SCNN1D: variants seen among roughly 807,000 people sequenced by gnomAD.
SCNN1D encodes the protein epithelial sodium channel subunit delta.
In SCNN1D, 104 loss-of-function variants were observed where a neutral mutation model predicts 87.8. The observed-to-expected ratio is 1.18, with a 90% CI of 1.01 to 1.39. The LOEUF (loss-of-function observed/expected upper bound fraction) is 1.39. Among genes scored for constraint, SCNN1D ranks in the 40% most tolerant of loss-of-function variants. The probability of loss-of-function intolerance (pLI) is 0.00; values close to 1 mark genes in which losing one functional copy is unlikely to be tolerated. For missense variants in SCNN1D, 1,324 were observed against 1,093.9 expected, an observed-to-expected ratio of 1.21 and a Z score of -2.97; for synonymous variants, 628 against 481.2, an observed-to-expected ratio of 1.31 and a Z score of -3.99.
rs992631576 is a variant in SCNN1D at position 1,280,627 on chromosome 1, C to T, written c.-35C>T. ...ATCAGACTCAAGGCCTGAGGTGATG[C>T]TGATGCTGTGCCTGAATTCCAGCAG... On this transcript the variant is annotated 5_prime_UTR_variant, in exon 1 of 18. Coordinates refer to ENST00000379116, the MANE Select transcript of SCNN1D (RefSeq NM_001130413.4). 5.7e-6 allele frequency: 4 copies of T among 699,854 alleles called. No individual in the cohort carries two copies. The South Asian group carries it at 5.9e-5, about 10-fold the overall frequency. 43.4% of individuals were successfully genotyped at this position (699,854 alleles called of 1,614,324 possible). A position where few individuals can be genotyped will look rare whatever the true frequency, so the allele number is the denominator to read the frequency against.
intron 12 of SCNN1D, among the ~76,000 whole-genome samples, chr1:1,289,498 T>C (rs1348809467): frequency 7.0e-4 from 6 of 8,562 alleles, no homozygotes; most frequent in East Asian, 3.7e-3. Context: ...GTCCCGTGTC[T>C]CTGCTCCGTC....
Position 1,284,076 on chromosome 1 carries a change from G to C in SCNN1D, c.450G>C (p.Gly150=), listed in dbSNP as rs199854533. 9.5e-4 allele frequency: 1,079 copies of C among 1,132,220 alleles called. 3 individuals carry two copies. Among genetic ancestry groups the C allele is most frequent in the Non-Finnish European group, 1.1e-3 (1,011 of 917,694 alleles). The allele number at this position is 1,132,220 out of a possible 1,614,324, so 70.1% of individuals were successfully genotyped here. A position where few individuals can be genotyped will look rare whatever the true frequency, so the allele number is the denominator to read the frequency against. The change falls in exon 5 of 18, where the codon GGG becomes GGC. Residue 150 remains glycine (G), a synonymous_variant. Coordinates refer to ENST00000379116, the MANE Select transcript of SCNN1D (RefSeq NM_001130413.4). ...GAGAATGGAAGCAGCCACACGGGGG[G>C]GCTCTCACCTCCAGGTACCGTGGGG... ...WTGEWKQPHG[G]ALTSRSPGPV... is the part of the protein sequence containing the mutation.
rs976196010 is a variant in SCNN1D at position 1,281,411 on chromosome 1, G to C, written c.78G>C (p.Arg26Ser). ...LWPGHLSGPR[R>S]LTWSWCSDHR... Reference sequence around the variant, plus strand: ...CCTGCCCGTCCCTTCTCTCATTCAGGCTCACCTGGTCATGGTGCAGTGACC... The same window carrying C: ...CCTGCCCGTCCCTTCTCTCATTCAGCCTCACCTGGTCATGGTGCAGTGACC... Residue 26 changes from arginine (R) to serine (S), a missense_variant and splice_region_variant, in exon 3 of 18, where the codon AGG (arginine) becomes AGC (serine). Physicochemically the swap from Arg to Ser is moderately radical, Grantham distance 110. Transcript: ENST00000379116. 2.6e-6 allele frequency: 4 copies of C among 1,522,744 alleles called. No individual in the cohort carries two copies. The African/African-American group carries it at 5.5e-5, about 21-fold the overall frequency. 94.3% of individuals were successfully genotyped at this position (1,522,744 alleles called of 1,614,324 possible).
rs145486526 is a variant in SCNN1D, at chr1:1,287,760, G to A, written c.1487G>A (p.Arg496His). 2.1e-5 allele frequency: 33 copies of A among 1,601,226 alleles called. No individual in the cohort carries two copies. In the Admixed American group the frequency reaches 2.6e-4, roughly 12 times the overall value. ...GGCATCAGGGTCATGGTTCACGGCC[G>A]TAACCACACGCCCTTCCTGGGGCAC... The part of the protein sequence containing the change: ...LAGIRVMVHG[R>H]NHTPFLGHHS... The change falls in exon 11 of 18, where the codon CGT becomes CAT. Residue 496 changes from arginine (R) to histidine (H), a missense_variant. Transcript: ENST00000379116.
chr1:1,280,907 C>G, intron 1 of SCNN1D: 2 of 582,960 alleles, frequency 3.4e-6, no homozygotes, highest in South Asian at 4.3e-5. Flanking sequence ...GCCGGGGGCA[C>G]CTTGGTGCCA....
chr1:1,286,701 A>G lies in SCNN1D; in HGVS notation c.912-67A>G. Reference sequence around the variant, plus strand: ...AGGCACTGCTGTCCCGACAGCACACACTGGGATGCTGGGGCCAGTGTGAGG... The same window carrying G: ...AGGCACTGCTGTCCCGACAGCACACGCTGGGATGCTGGGGCCAGTGTGAGG... On this transcript the variant is annotated intron_variant, in intron 7 of 17. Coordinates refer to ENST00000379116, the MANE Select transcript of SCNN1D (RefSeq NM_001130413.4). 2.0e-6 allele frequency: 3 copies of G among 1,471,932 alleles called. No individual in the cohort carries two copies. The South Asian group carries it at 3.6e-5, about 18-fold the overall frequency. 91.2% of individuals were successfully genotyped at this position (1,471,932 alleles called of 1,614,324 possible). A position where few individuals can be genotyped will look rare whatever the true frequency, so the allele number is the denominator to read the frequency against.
Position 1,291,556 on chromosome 1 carries a change from C to A in SCNN1D, c.2355C>A (p.Val785=), listed in dbSNP as rs1040886900. The change falls in exon 18 of 18, where the codon GTC becomes GTA. Residue 785 remains valine, a synonymous_variant. Coordinates refer to ENST00000379116, the MANE Select transcript of SCNN1D (RefSeq NM_001130413.4). ...TGCTTCCAGGGGTTCTGGCGGGAGT[C>A]TCAGCCGAAGAGAGCTGGGCTGGGC... The part of the protein sequence containing the change: ...RVMLPGVLAG[V]SAEESWAGPQ... The A allele has an allele frequency of 6.3e-7, 1 of 1,591,036 alleles. No homozygotes were observed. The highest frequency in any genetic ancestry group is 8.6e-7 in the Non-Finnish European group (1 of 1,165,456).
intron 5 of SCNN1D, among the ~76,000 whole-genome samples, chr1:1,284,819 G>T (rs575777024): frequency 6.6e-6 from 1 of 152,230 alleles, no homozygotes; most frequent in Admixed American, 6.5e-5. Context: ...CGCACATGCA[G>T]GGTGGGGTCC....
intron 12 of SCNN1D, among the ~76,000 whole-genome samples, chr1:1,288,255 T>TTC (rs1213954791): frequency 1.8e-5 from 2 of 112,134 alleles, no homozygotes; most frequent in East Asian, 6.8e-4. Flanking sequence ...CTCTGCTCCG[T>TTC]CCCGTGTCTC....
At position 1,290,267 on chromosome 1, in the gene SCNN1D, C is replaced by T. The variant is rs748377068; in HGVS notation, c.1663-4C>T. On this transcript the variant is annotated splice_region_variant and splice_polypyrimidine_tract_variant and intron_variant, in intron 12 of 17. Coordinates refer to ENST00000379116, the MANE Select transcript of SCNN1D (RefSeq NM_001130413.4). ...ATGTCCCTGCTCATCCCCCCTGTCC[C>T]CAGGCCTGCCTGGTGTCCTGCTTCC... 5 of 1,557,384 alleles carry T rather than the reference C, an allele frequency of 3.2e-6. No homozygotes were observed. The highest frequency in any genetic ancestry group is 1.8e-5 in the Admixed American group (1 of 54,404).
chr1:1,291,263 C>G lies in SCNN1D; in HGVS notation c.2062C>G (p.Leu688Val). Reference sequence around the variant, plus strand: ...CGCACCCCACCCGCAGGTGCCGCAGCTGCTCTCGGCCATGGGCAGCCTCTG... The same window carrying G: ...CGCACCCCACCCGCAGGTGCCGCAGGTGCTCTCGGCCATGGGCAGCCTCTG... ...EEAPVYSVPQ[L>V]LSAMGSLCSL... Residue 688 changes from leucine to valine, a missense_variant, in exon 18 of 18, where the codon CTG becomes GTG. Coordinates refer to ENST00000379116, the MANE Select transcript of SCNN1D (RefSeq NM_001130413.4). The G allele has an allele frequency of 6.4e-7, 1 of 1,559,572 alleles. No homozygotes were observed. Among genetic ancestry groups the G allele is most frequent in the South Asian group, 1.2e-5 (1 of 84,564 alleles).
chr1:1,286,409 G>C, intron 7 of SCNN1D, 131 bp downstream of exon 7: 1 of 771,566 alleles, frequency 1.3e-6, no homozygotes, highest in Non-Finnish European at 2.0e-6. Context: ...CACCCTCCTG[G>C]TCACTGTGAC....
chr1:1,290,276 C>T lies in SCNN1D; in HGVS notation c.1668C>T (p.Cys556=), dbSNP rs1248872467. Residue 556 remains cysteine, a synonymous_variant, in exon 13 of 18, where the codon TGC becomes TGT. Transcript: ENST00000379116. ...LHNTSYTRQA[C]LVSCFQQLMV... ...CTCATCCCCCCTGTCCCCAGGCCTG[C>T]CTGGTGTCCTGCTTCCAGCAGCTGA... 8 of 1,563,484 alleles carry T rather than the reference C, an allele frequency of 5.1e-6. No homozygotes were observed. Among genetic ancestry groups the T allele is most frequent in the Admixed American group, 1.8e-5 (1 of 55,204 alleles).
At chr1:1,282,025 C>T (rs578225180) in intron 3 of SCNN1D, 18 of 594,732 alleles carry the variant, frequency 3.0e-5, no homozygotes, top group Non-Finnish European at 5.2e-5. Flanking sequence ...GGCCCACGCA[C>T]AAAGCTGCCC....
rs542117328 is a variant in SCNN1D at position 1,286,201 on chromosome 1, G to A, written c.834G>A (p.Pro278=). The A allele has an allele frequency of 1.0e-5, 16 of 1,600,744 alleles. No individual in the cohort carries two copies. Among genetic ancestry groups the A allele is most frequent in the South Asian group, 2.2e-5 (2 of 89,866 alleles). The change falls in exon 7 of 18, where the codon CCG becomes CCA. Residue 278 remains proline, a synonymous_variant. Transcript: ENST00000379116. ...TCTTTGAGCGTCACTGGCACCGCCC[G>A]GTCCTCATGGCCGTCTCTGTGCACT... ...GLLFERHWHR[P]VLMAVSVHSE...
Position 1,281,581 on chromosome 1 carries a change from T to A in SCNN1D, c.248T>A (p.Leu83His). 1 of 1,535,728 alleles carries A rather than the reference T, an allele frequency of 6.5e-7. No homozygotes were observed. Among genetic ancestry groups the A allele is most frequent in the Non-Finnish European group, 8.7e-7 (1 of 1,146,774 alleles). ...CTCTGTGGCTACCCCCTCTGCCTAC[T>A]CTCTGGCCCGATACAGGGGTGTGGG... is the stretch of plus-strand genomic sequence containing the variant. ...HVLCGYPLCLLSGPIQGCGTG... is the reference protein window; with the variant it reads ...HVLCGYPLCLHSGPIQGCGTG... The change falls in exon 3 of 18, where the codon CTC (leucine) becomes CAC (histidine). Residue 83 changes from leucine to histidine, a missense_variant. By Grantham distance (99) the Leu-to-His change is moderately conservative (BLOSUM62 -3). Coordinates refer to ENST00000379116, the MANE Select transcript of SCNN1D (RefSeq NM_001130413.4).
intron 15 of SCNN1D, 39 bp downstream of exon 15, chr1:1,290,733 C>A: frequency 6.2e-7 from 1 of 1,609,108 alleles, no homozygotes; most frequent in Non-Finnish European, 8.5e-7. Flanking sequence ...TGTGGACAGC[C>A]AGGCAGACCC....
rs368676359 is a variant in SCNN1D, at chr1:1,285,598, G to T, written c.492G>T (p.Arg164Ser). ...CGCCTGGGCCTGTGGCTCCCCAGAG[G>T]CCCTGCCACCTGAAGGGATGGCAGC... is the stretch of plus-strand genomic sequence containing the variant. ...SRSPGPVAPQRPCHLKGWQHR... is the reference protein window; with the variant it reads ...SRSPGPVAPQSPCHLKGWQHR... The change falls in exon 6 of 18, where the codon AGG becomes AGT. Residue 164 changes from arginine to serine, a missense_variant. By Grantham distance (110) the Arg-to-Ser change is moderately radical. Coordinates refer to ENST00000379116, the MANE Select transcript of SCNN1D (RefSeq NM_001130413.4). 1 of 1,543,644 alleles carries T rather than the reference G, an allele frequency of 6.5e-7. No homozygotes were observed.
At chr1:1,290,774 G>A (rs950506410) in intron 15 of SCNN1D, 80 bp downstream of exon 15, 4 of 1,589,168 alleles carry the variant, frequency 2.5e-6, no homozygotes, top group East Asian at 2.2e-5. Context: ...CCCAAGACAA[G>A]GGCAGGGCCG....
Sources: gnomAD v4.1 joint callset for allele counts (sites outside exome capture counted in the v4.1 genomes callset) on GRCh38, gnomAD v4.1.1 for gene constraint, MANE v1.5 for transcripts, NCBI Gene and HGNC (gene_info 2026-07-23, HGNC 2026-07-21) for gene names.